The following PTPRT variants were observed in gnomAD, a reference collection of about 807,000 sequenced individuals.
PTPRT encodes receptor-type tyrosine-protein phosphatase T.
A neutral mutation model predicts 176.8 loss-of-function variants in PTPRT; 56 were observed. That is an observed-to-expected ratio of 0.32 (90% confidence interval 0.26 to 0.40). PTPRT has a LOEUF of 0.40. PTPRT is among the 10% of genes least tolerant of loss of function. The pLI is 1.00. For missense variants in PTPRT, 1,540 were observed against 1,908.2 expected, an observed-to-expected ratio of 0.81 and a Z score of 3.60; for synonymous variants, 783 against 739.0, an observed-to-expected ratio of 1.06 and a Z score of -0.96.
At chr20:42,154,136 G>A (rs1287848055) in intron 17 of PTPRT, among the ~76,000 whole-genome samples, 1 of 152,128 alleles carries the variant, frequency 6.6e-6, no homozygotes, top group African/African-American at 2.4e-5. Flanking sequence ...TTTGGGCGTG[G>A]GCCAGTAATT....
intron 7 of PTPRT, among the ~76,000 whole-genome samples, chr20:42,664,351 A>AT (rs1371113114): frequency 6.6e-6 from 1 of 152,170 alleles, no homozygotes; most frequent in African/African-American, 2.4e-5. Flanking sequence ...TTTAGTTAAC[A>AT]TGGCATAGAA....
At chr20:42,116,973 C>G (rs1314052070) in intron 21 of PTPRT, among the ~76,000 whole-genome samples, 1 of 152,144 alleles carries the variant, frequency 6.6e-6, no homozygotes, top group African/African-American at 2.4e-5. Flanking sequence ...GTAGCTGCAC[C>G]CTGGGCCTGG....
In PTPRT at chr20:42,448,098, C is replaced by A. The variant is rs567904620; in HGVS notation, c.1560+122G>T. ...TGCACCCCATTGTACTGTCAGAAAC[C>A]TTTTGGTATGTCTCATCTTACTCAC... On this transcript the variant is annotated intron_variant, in intron 9 of 30. Transcript: ENST00000373187. 3.5e-4 allele frequency: 274 copies of A among 782,084 alleles called. 2 individuals are homozygous for A. In the Middle Eastern group the frequency reaches 4.6e-3, roughly 13 times the overall value. 48.4% of individuals were successfully genotyped at this position (782,084 alleles called of 1,614,324 possible).
chr20:42,045,693 A>G, the PTPRT span, among the ~76,000 whole-genome samples: 25 of 151,632 alleles, frequency 1.6e-4, no homozygotes, highest in Non-Finnish European at 3.4e-4. Flanking sequence ...TATTGTTCCC[A>G]GTTTACAGAT....
chr20:43,079,618 T>C (rs534998447), intron 1 of PTPRT, among the ~76,000 whole-genome samples: 1 of 152,292 alleles, frequency 6.6e-6, no homozygotes, highest in African/African-American at 2.4e-5. Context: ...AAATCCTAGA[T>C]GTATTACAGT....
chr20:42,486,119 T>A (rs1433517955), intron 7 of PTPRT, among the ~76,000 whole-genome samples: 1 of 152,216 alleles, frequency 6.6e-6, no homozygotes, highest in Non-Finnish European at 1.5e-5. Flanking sequence ...TCAGAAAAGA[T>A]GAGGGGTTAA....
intron 11 of PTPRT, among the ~76,000 whole-genome samples, chr20:42,338,967 C>G (rs2058076569): frequency 6.6e-6 from 1 of 152,164 alleles, no homozygotes; most frequent in African/African-American, 2.4e-5. Flanking sequence ...ATAATCAAAA[C>G]TGGCCCGGGG....
chr20:42,277,411 G>T (rs550101694), intron 13 of PTPRT, among the ~76,000 whole-genome samples: 2 of 152,344 alleles, frequency 1.3e-5, no homozygotes, highest in South Asian at 4.1e-4. Context: ...CTTGACGGCT[G>T]GCGCTGGAGA....
intron 1 of PTPRT, among the ~76,000 whole-genome samples, chr20:43,048,846 G>A (rs1218282371): frequency 6.6e-6 from 1 of 152,088 alleles, no homozygotes; most frequent in African/African-American, 2.4e-5. Flanking sequence ...GAGAGAGGTG[G>A]CTGACCAACA....
At chr20:42,779,839 G>C (rs922395142) in intron 4 of PTPRT, among the ~76,000 whole-genome samples, 1 of 121,578 alleles carries the variant, frequency 8.2e-6, no homozygotes, top group Non-Finnish European at 1.9e-5. Flanking sequence ...CAGTGTTTTG[G>C]TGGTGGTGTG....
At chr20:42,326,400 G>A (rs6102775) in intron 11 of PTPRT, among the ~76,000 whole-genome samples, 54,345 of 151,992 alleles carry the variant, frequency 0.36, 10,879 homozygotes, top group African/African-American at 0.55. Context: ...GCAATTCATC[G>A]TCATTTGCAG....
chr20:43,069,005 A>T (rs2146267041), intron 1 of PTPRT, among the ~76,000 whole-genome samples: 1 of 152,334 alleles, frequency 6.6e-6, no homozygotes, highest in Non-Finnish European at 1.5e-5. Context: ...AAGTGAGGTC[A>T]TGAATAATGA....
intron 7 of PTPRT, among the ~76,000 whole-genome samples, chr20:42,491,861 CCAGGCAGCCA>C (rs1324065134): frequency 6.6e-6 from 1 of 152,110 alleles, no homozygotes; most frequent in Non-Finnish European, 1.5e-5. Flanking sequence ...ATCTAAAACC[CCAGGCAGCCA>C]CTAATCTGTT....
chr20:42,957,389 A>T (rs1406040070), intron 1 of PTPRT, among the ~76,000 whole-genome samples: 1 of 152,168 alleles, frequency 6.6e-6, no homozygotes, highest in African/African-American at 2.4e-5. Flanking sequence ...ATGTATTTTT[A>T]ATCTCATACA....
intron 7 of PTPRT, among the ~76,000 whole-genome samples, chr20:42,655,363 C>A (rs933583771): frequency 3.1e-4 from 47 of 152,072 alleles, no homozygotes; most frequent in Non-Finnish European, 4.3e-4. Flanking sequence ...TGGTAGTGCA[C>A]CCCTGTAATC....
chr20:42,647,188 T>C (rs2074925525), intron 7 of PTPRT, among the ~76,000 whole-genome samples: 1 of 151,982 alleles, frequency 6.6e-6, no homozygotes, highest in African/African-American at 2.4e-5. Context: ...TGAACCACCA[T>C]GCCCAGCCTC....
rs189231784 is a variant in PTPRT, at chr20:42,882,568, C to T, written c.214+3239G>A. Reference sequence around the variant, plus strand: ...ATACATGATCAGTTAGTAAAGCACCCAAAGGCCTTTAATCTTTTTTCATTC... The same window carrying T: ...ATACATGATCAGTTAGTAAAGCACCTAAAGGCCTTTAATCTTTTTTCATTC... On this transcript the variant is annotated intron_variant, in intron 2 of 30. Coordinates refer to ENST00000373187, the MANE Select transcript of PTPRT (RefSeq NM_007050.6). Among the ~76,000 whole-genome samples, 930 of 152,284 alleles carry T rather than the reference C, an allele frequency of 6.1e-3. 10 individuals carry two copies. Among genetic ancestry groups the T allele is most frequent in the African/African-American group, 0.022 (896 of 41,566 alleles).
At chr20:43,064,977 C>T (rs1987627509) in intron 1 of PTPRT, among the ~76,000 whole-genome samples, 1 of 152,318 alleles carries the variant, frequency 6.6e-6, no homozygotes, top group Non-Finnish European at 1.5e-5. Flanking sequence ...CTGTTGTGGA[C>T]ATGGCTTGCC....
chr20:42,065,891 T>C, the PTPRT span, among the ~76,000 whole-genome samples: 1 of 149,978 alleles, frequency 6.7e-6, no homozygotes, highest in African/African-American at 2.5e-5. Flanking sequence ...GAGGCCATCA[T>C]ATTTCATCAG....
Sources: gnomAD v4.1 joint callset for allele counts (sites outside exome capture counted in the v4.1 genomes callset) on GRCh38, gnomAD v4.1.1 for gene constraint, MANE v1.5 for transcripts, NCBI Gene and HGNC (gene_info 2026-07-23, HGNC 2026-07-21) for gene names.